DNAH3: variants seen among roughly 807,000 people sequenced by gnomAD.
DNAH3 encodes the protein dynein axonemal heavy chain 3.
Under a neutral mutation model 432.5 loss-of-function variants are expected in DNAH3, and 332 were observed. That is an observed-to-expected ratio of 0.77 (90% CI 0.70 to 0.84). The LOEUF (loss-of-function observed/expected upper bound fraction) is 0.84, where lower values mean the gene tolerates loss of function less well. Among genes scored for constraint, DNAH3 ranks in the 40% least tolerant of loss-of-function variants. The probability of loss-of-function intolerance (pLI) is 0.00; values close to 1 mark genes in which losing one functional copy is unlikely to be tolerated. For synonymous variants in DNAH3, 1,956 were observed against 1,900.2 expected (o/e 1.03, Z -0.76); for missense variants, 4,861 against 5,114.0 (o/e 0.95, Z 1.51).
At chr16:21,113,281 C>T (rs536252624) in intron 12 of DNAH3, among the ~76,000 whole-genome samples, 55 of 152,200 alleles carry the variant, frequency 3.6e-4, no homozygotes, top group South Asian at 2.5e-3. Context: ...CCATGTTATT[C>T]TCATGGTAGT....
At chr16:21,087,648 A>G (rs1380488688) in intron 18 of DNAH3, among the ~76,000 whole-genome samples, 2 of 152,182 alleles carry the variant, frequency 1.3e-5, no homozygotes, top group Non-Finnish European at 2.9e-5. Flanking sequence ...GTGAATGGAG[A>G]TATGAGAGGG....
intron 41 of DNAH3, among the ~76,000 whole-genome samples, chr16:21,005,737 G>A (rs532377889): frequency 1.3e-5 from 2 of 151,272 alleles, no homozygotes; most frequent in South Asian, 2.1e-4. Context: ...CAGCTCTTAC[G>A]TGTTTGAGAA....
intron 41 of DNAH3, among the ~76,000 whole-genome samples, chr16:21,008,799 C>T (rs547361782): frequency 4.6e-5 from 7 of 152,170 alleles, no homozygotes; most frequent in East Asian, 1.9e-4. Context: ...TTGGGAGATA[C>T]GCCAGGCCAG....
intron 41 of DNAH3, among the ~76,000 whole-genome samples, chr16:21,006,492 GA>G (rs1238754411): frequency 6.6e-6 from 1 of 152,046 alleles, no homozygotes; most frequent in Non-Finnish European, 1.5e-5. Flanking sequence ...ATCAACTTTA[GA>G]ACTTTTCATT....
In DNAH3 at chr16:20,988,168, T is replaced by C. The variant is rs2086303132; in HGVS notation, c.6602-103A>G. The C allele has an allele frequency of 2.0e-6, 3 of 1,497,686 alleles. No individual in the cohort carries two copies. The South Asian group carries it at 3.7e-5, about 18-fold the overall frequency. The allele number at this position is 1,497,686 out of a possible 1,614,324, so 92.8% of individuals were successfully genotyped here. On this transcript the variant is annotated intron_variant, in intron 44 of 61. Transcript: ENST00000261383. The stretch of plus-strand genomic sequence containing the variant: ...GAGGTGGCTTTGCCTTCTGCCTTCA[T>C]GTTCCAGAGCTGTGCTGTGCAATAT...
intron 59 of DNAH3, 68 bp from the exon 60 acceptor site, chr16:20,936,921 T>C (rs1457758093): frequency 1.5e-5 from 19 of 1,260,070 alleles, no homozygotes; most frequent in Middle Eastern, 2.6e-4. Context: ...GTCCACTGAC[T>C]GCTGTCCCCT....
At chr16:21,136,675 A>G in intron 5 of DNAH3, 162 bp from the exon 7 acceptor site, 1 of 674,792 alleles carries the variant, frequency 1.5e-6, no homozygotes, top group Non-Finnish European at 2.6e-6. Context: ...CACTCATGGC[A>G]AGAAGATCAC....
At chr16:21,077,507 T>C (rs2091017562) in intron 20 of DNAH3, among the ~76,000 whole-genome samples, 1 of 152,188 alleles carries the variant, frequency 6.6e-6, no homozygotes, top group Non-Finnish European at 1.5e-5. Flanking sequence ...TGTTAATTTA[T>C]GTGATGGCTC....
intron 1 of DNAH3, among the ~76,000 whole-genome samples, chr16:21,156,970 A>G (rs2092901937): frequency 6.7e-6 from 1 of 148,432 alleles, no homozygotes; most frequent in Non-Finnish European, 1.5e-5. Context: ...TTAGGGAATG[A>G]TGATTGGAAG....
chr16:20,972,902 TTC>T (rs1438010171), intron 51 of DNAH3, among the ~76,000 whole-genome samples: 2 of 151,982 alleles, frequency 1.3e-5, no homozygotes, highest in East Asian at 3.9e-4. Context: ...CTAATTTTTA[TTC>T]TTTTAGTAGA....
intron 52 of DNAH3, among the ~76,000 whole-genome samples, chr16:20,968,849 C>G (rs2085183350): frequency 1.3e-5 from 2 of 151,194 alleles, no homozygotes; most frequent in Admixed American, 6.6e-5. Flanking sequence ...GTCTCTGTCT[C>G]TCTTCTCTCT....
chr16:20,964,491 T>G (rs951009363), exon 53 of DNAH3: 1 of 1,614,210 alleles, frequency 6.2e-7, no homozygotes, highest in African/African-American at 1.3e-5. Flanking sequence ...CCAGCTCTTC[T>G]CCAATGTTTT....
chr16:21,013,944 T>TA (rs2087739244), intron 41 of DNAH3, among the ~76,000 whole-genome samples: 1 of 152,172 alleles, frequency 6.6e-6, no homozygotes, highest in South Asian at 2.1e-4. Flanking sequence ...CAACAATTAA[T>TA]AACCTTCCAA....
chr16:21,093,659 CTA>C (rs2091599005), intron 18 of DNAH3, among the ~76,000 whole-genome samples: 1 of 152,084 alleles, frequency 6.6e-6, no homozygotes, highest in Non-Finnish European at 1.5e-5. Flanking sequence ...AAGAATCACA[CTA>C]TGTGATTTTA....
chr16:20,937,921 C>T (rs1197460082), intron 59 of DNAH3, among the ~76,000 whole-genome samples: 1 of 152,116 alleles, frequency 6.6e-6, no homozygotes, highest in Non-Finnish European at 1.5e-5. Context: ...TCCCTCTGAC[C>T]TTTATGTTAC....
rs775625904 is a variant in DNAH3 at position 21,120,975 on chromosome 16, A to G, written c.1585-121T>C. 3 of 771,180 alleles carry G rather than the reference A, an allele frequency of 3.9e-6. No homozygotes were observed. The South Asian group carries it at 4.4e-5, about 11-fold the overall frequency. The allele number at this position is 771,180 out of a possible 1,614,324, so 47.8% of individuals were successfully genotyped here. On this transcript the variant is annotated intron_variant, in intron 10 of 61. Coordinates refer to ENST00000261383, the Ensembl canonical transcript of DNAH3. ...CCTCCCACACACCCAGTTTTAATGGAGTACTTAGAACCCTGTAAGTACCAG... is the reference window on the plus strand; with the variant it reads ...CCTCCCACACACCCAGTTTTAATGGGGTACTTAGAACCCTGTAAGTACCAG...
At chr16:21,113,801 T>C (rs1018170102) in intron 12 of DNAH3, among the ~76,000 whole-genome samples, 1 of 152,158 alleles carries the variant, frequency 6.6e-6, no homozygotes, top group Admixed American at 6.6e-5. Flanking sequence ...TAACACCTCA[T>C]AGGATTATTG....
chr16:21,095,147 A>C (rs2091641782), intron 18 of DNAH3, among the ~76,000 whole-genome samples: 2 of 152,238 alleles, frequency 1.3e-5, no homozygotes, highest in Non-Finnish European at 1.5e-5. Context: ...TGTGGAAAAC[A>C]AAAGTTTGGC....
At chr16:21,060,192 A>T in intron 26 of DNAH3, 72 bp downstream of exon 26, 1 of 1,263,924 alleles carries the variant, frequency 7.9e-7, no homozygotes, top group Non-Finnish European at 1.2e-6. Context: ...AACTACTGAC[A>T]CATGAACCTT....
Sources: allele counts gnomAD v4.1 joint callset (sites outside exome capture counted in the v4.1 genomes callset), GRCh38; gene constraint gnomAD v4.1.1; transcripts MANE v1.5; gene names NCBI Gene and HGNC (gene_info 2026-07-23, HGNC 2026-07-21).